Variants in ASB1 observed in about 807,000 individuals in gnomAD.
The protein encoded by ASB1 is ankyrin repeat and SOCS box protein 1.
ASB1 carries 18 observed loss-of-function variants against 27.7 expected under a neutral mutation model. The ratio of observed to expected loss-of-function variants is 0.65; its 90% CI spans 0.45 to 0.96. The LOEUF (loss-of-function observed/expected upper bound fraction) is 0.96, where lower values mean the gene tolerates loss of function less well. ASB1 is among the 50% of genes least tolerant of loss of function. The pLI is 0.00. For missense variants in ASB1, 397 were observed against 451.7 expected, an observed-to-expected ratio of 0.88 and a Z score of 1.10; for synonymous variants, 189 against 187.6, an observed-to-expected ratio of 1.01 and a Z score of -0.06.
chr2:238,433,067 A>G (rs2106403499), intron 1 of ASB1, among the ~76,000 whole-genome samples: 1 of 152,160 alleles, frequency 6.6e-6, no homozygotes, highest in African/African-American at 2.4e-5. Flanking sequence ...TTTTTTCTTT[A>G]GGATCTTGCA....
At chr2:238,430,015 G>T (rs1445440962) in intron 1 of ASB1, among the ~76,000 whole-genome samples, 1 of 151,392 alleles carries the variant, frequency 6.6e-6, no homozygotes, top group Non-Finnish European at 1.5e-5. Flanking sequence ...ATACTTTATT[G>T]CTGAAAAATG....
At chr2:238,429,095 C>G (rs1049559170) in intron 1 of ASB1, among the ~76,000 whole-genome samples, 1 of 152,138 alleles carries the variant, frequency 6.6e-6, no homozygotes, top group African/African-American at 2.4e-5. Context: ...GACTGTCAAA[C>G]CCTGCAGAGC....
At chr2:238,439,490 G>A (rs141738732) in intron 3 of ASB1, among the ~76,000 whole-genome samples, 35 of 152,298 alleles carry the variant, frequency 2.3e-4, no homozygotes, top group African/African-American at 7.0e-4. Context: ...CTGTGATTGC[G>A]GCATGGAAGG....
chr2:238,441,327 GT>G (rs1559415066), intron 3 of ASB1, among the ~76,000 whole-genome samples: 3 of 152,060 alleles, frequency 2.0e-5, no homozygotes, highest in Non-Finnish European at 2.9e-5. Context: ...TAGAGACGGG[GT>G]TTTGCCACGT....
intron 3 of ASB1, among the ~76,000 whole-genome samples, chr2:238,441,583 C>T (rs1702078660): frequency 6.6e-6 from 1 of 152,200 alleles, no homozygotes; most frequent in South Asian, 2.1e-4. Context: ...GTGGACTGTA[C>T]ACTTTCACTG....
intron 3 of ASB1, among the ~76,000 whole-genome samples, chr2:238,437,748 T>C (rs1186176606): frequency 6.6e-6 from 1 of 152,102 alleles, no homozygotes; most frequent in Admixed American, 6.5e-5. Context: ...TAGGTAAGGG[T>C]TCTGTTGTTA....
chr2:238,431,390 C>T (rs1701869136), intron 1 of ASB1, among the ~76,000 whole-genome samples: 1 of 152,220 alleles, frequency 6.6e-6, no homozygotes, highest in Admixed American at 6.5e-5. Context: ...AGGCTTTGGC[C>T]TAAGGGAATG....
intron 4 of ASB1, among the ~76,000 whole-genome samples, chr2:238,445,281 A>G (rs1702157804): frequency 6.6e-6 from 1 of 152,044 alleles, no homozygotes; most frequent in Non-Finnish European, 1.5e-5. Context: ...TTTGGCCTAG[A>G]GTTATATTCT....
In ASB1 at chr2:238,426,970, G is replaced by GC. The variant is rs1388430547; in HGVS notation, c.-95dup. 1.7e-5 allele frequency: 16 copies of GC among 958,188 alleles called. No homozygotes were observed. Among genetic ancestry groups the GC allele is most frequent in the Middle Eastern group, 7.7e-4 (2 of 2,610 alleles). The allele number at this position is 958,188 out of a possible 1,614,324, so 59.4% of individuals were successfully genotyped here. A position where few individuals can be genotyped will look rare whatever the true frequency, so the allele number is the denominator to read the frequency against. ...CCGCCGGAAGCCGCGACCCCGACGC[G>GC]CCCCCCATTGCCCTCGGCGCCGGAA... On this transcript the variant is annotated 5_prime_UTR_variant, in exon 1 of 5. Transcript: ENST00000264607.
intron 3 of ASB1, among the ~76,000 whole-genome samples, chr2:238,439,145 G>T (rs563449502): frequency 6.6e-6 from 1 of 152,300 alleles, no homozygotes; most frequent in South Asian, 2.1e-4. Flanking sequence ...AATTGGTTGG[G>T]TGTATGAAAT....
chr2:238,433,493 C>G, intron 1 of ASB1, 61 bp from the exon 2 acceptor site: 3 of 1,587,736 alleles, frequency 1.9e-6, no homozygotes, highest in Non-Finnish European at 2.6e-6. Flanking sequence ...GATGGCACCC[C>G]CTTTTGGTTA....
intron 1 of ASB1, among the ~76,000 whole-genome samples, chr2:238,432,896 G>A (rs1701897985): frequency 6.6e-6 from 1 of 151,102 alleles, no homozygotes; most frequent in South Asian, 2.1e-4. Flanking sequence ...ACAGGTGCGC[G>A]GCACCACGCC....
intron 3 of ASB1, among the ~76,000 whole-genome samples, chr2:238,440,436 TCTC>T (rs1702057358): frequency 6.6e-6 from 1 of 152,326 alleles, no homozygotes; most frequent in South Asian, 2.1e-4. Flanking sequence ...CGTTTACTAT[TCTC>T]CTTTCACCAG....
chr2:238,429,990 C>T (rs757828843), intron 1 of ASB1, among the ~76,000 whole-genome samples: 3 of 151,390 alleles, frequency 2.0e-5, no homozygotes, highest in Non-Finnish European at 4.4e-5. Flanking sequence ...AAAATGTACA[C>T]GTTTTAATTT....
chr2:238,447,295 G>C lies in ASB1; in HGVS notation c.*784G>C, dbSNP rs889151196. The C allele has an allele frequency of 1.3e-5, 2 of 152,692 alleles. No individual in the cohort carries two copies. Among genetic ancestry groups the C allele is most frequent in the Non-Finnish European group, 2.9e-5 (2 of 68,100 alleles). The allele number at this position is 152,692 out of a possible 1,614,324, so 9.5% of individuals were successfully genotyped here. A position where few individuals can be genotyped will look rare whatever the true frequency, so the allele number is the denominator to read the frequency against. ...TTCACTGCCAGTTCTAATAGGCGAGGAAAATGCCCGAGGCGCTGTCTTCTG... is the reference window on the plus strand; with the variant it reads ...TTCACTGCCAGTTCTAATAGGCGAGCAAAATGCCCGAGGCGCTGTCTTCTG... On this transcript the variant is annotated 3_prime_UTR_variant, in exon 5 of 5. Transcript: ENST00000264607.
At chr2:238,433,415 C>T in intron 1 of ASB1, 139 bp from the exon 2 acceptor site, 2 of 1,068,982 alleles carry the variant, frequency 1.9e-6, no homozygotes, top group South Asian at 1.6e-5. Flanking sequence ...GCCACCATGC[C>T]CAGCTTGTGA....
intron 2 of ASB1, 128 bp downstream of exon 2, chr2:238,433,823 C>G: frequency 8.7e-7 from 1 of 1,150,508 alleles, no homozygotes; most frequent in Non-Finnish European, 1.2e-6. Flanking sequence ...TTTTAGAGGA[C>G]GGGGATAAAG....
At position 238,427,026 on chromosome 2, in the gene ASB1, A is replaced by C. The variant is rs1469610340; in HGVS notation, c.-45A>C. On this transcript the variant is annotated 5_prime_UTR_variant, in exon 1 of 5. Coordinates refer to ENST00000264607, the MANE Select transcript of ASB1 (RefSeq NM_001040445.3). ...CGCGGGTCGTTCTGCTTCCTGCCCG[A>C]GGGGCGTGCGCGGGTCAGGGGCGGC... 1 of 1,234,832 alleles carries C rather than the reference A, an allele frequency of 8.1e-7. No homozygotes were observed. Among genetic ancestry groups the C allele is most frequent in the Non-Finnish European group, 1.0e-6 (1 of 988,044 alleles). The allele number at this position is 1,234,832 out of a possible 1,614,324, so 76.5% of individuals were successfully genotyped here. A position where few individuals can be genotyped will look rare whatever the true frequency, so the allele number is the denominator to read the frequency against.
At chr2:238,429,219 C>G (rs1559411393) in intron 1 of ASB1, among the ~76,000 whole-genome samples, 1 of 152,100 alleles carries the variant, frequency 6.6e-6, no homozygotes, top group East Asian at 1.9e-4. Flanking sequence ...GAAAGAGCCC[C>G]CTTATGGAGG....
Sources: allele counts gnomAD v4.1 joint callset (sites outside exome capture counted in the v4.1 genomes callset), GRCh38; gene constraint gnomAD v4.1.1; transcripts MANE v1.5; gene names NCBI Gene and HGNC (gene_info 2026-07-23, HGNC 2026-07-21).